The following ICA1 variants were observed in gnomAD, a reference collection of about 807,000 sequenced individuals.
The protein encoded by ICA1 is 69 kDa islet cell autoantigen.
ICA1 carries 40 observed loss-of-function variants against 71.0 expected under a neutral mutation model. The observed-to-expected ratio is 0.56, with a 90% confidence interval of 0.44 to 0.73. The LOEUF (loss-of-function observed/expected upper bound fraction) is 0.73. ICA1 is among the 30% of genes least tolerant of loss of function. The pLI is 0.00. For synonymous variants in ICA1, 207 were observed against 209.5 expected (o/e 0.99, Z 0.10); for missense variants, 578 against 576.5 (o/e 1.00, Z -0.03).
At chr7:8,212,943 G>C (rs1794279933) in intron 6 of ICA1, among the ~76,000 whole-genome samples, 3 of 152,170 alleles carry the variant, frequency 2.0e-5, no homozygotes, top group African/African-American at 7.2e-5. Flanking sequence ...AGAACTGGAA[G>C]CATGGGTGTA....
intron 1 of ICA1, among the ~76,000 whole-genome samples, chr7:8,257,080 G>A (rs1340460284): frequency 6.6e-6 from 1 of 152,154 alleles, no homozygotes; most frequent in Non-Finnish European, 1.5e-5. Flanking sequence ...GATTAATGGG[G>A]CTGTTTCAAT....
intron 8 of ICA1, among the ~76,000 whole-genome samples, chr7:8,152,194 T>A (rs534417028): frequency 3.3e-5 from 5 of 152,072 alleles, no homozygotes; most frequent in African/African-American, 9.7e-5. Context: ...GTGGGTTGGG[T>A]TACCCTGGGG....
At chr7:8,168,785 G>C (rs1044002177) in intron 6 of ICA1, among the ~76,000 whole-genome samples, 1 of 152,126 alleles carries the variant, frequency 6.6e-6, no homozygotes, top group African/African-American at 2.4e-5. Flanking sequence ...AGTATGCAGA[G>C]AGGGTATCTG....
chr7:8,165,271 C>A (rs569432845), intron 6 of ICA1, among the ~76,000 whole-genome samples: 1 of 152,326 alleles, frequency 6.6e-6, no homozygotes, highest in South Asian at 2.1e-4. Flanking sequence ...ATCATATATG[C>A]ATCCACTCAT....
intron 6 of ICA1, among the ~76,000 whole-genome samples, chr7:8,187,065 G>A (rs1388219987): frequency 1.3e-5 from 2 of 152,144 alleles, no homozygotes; most frequent in Admixed American, 6.5e-5. Context: ...TGAGCTTGAC[G>A]TGATTACACT....
intron 1 of ICA1, among the ~76,000 whole-genome samples, chr7:8,251,711 A>G (rs1267933080): frequency 6.6e-6 from 1 of 152,124 alleles, no homozygotes; most frequent in African/African-American, 2.4e-5. Context: ...ATTCCAAGAG[A>G]TGTTTCTGAA....
intron 1 of ICA1, among the ~76,000 whole-genome samples, chr7:8,238,957 C>T (rs1258327252): frequency 6.6e-6 from 1 of 152,180 alleles, no homozygotes; most frequent in African/African-American, 2.4e-5. Context: ...GCAAGTCATT[C>T]TTAAGCACAT....
intron 8 of ICA1, among the ~76,000 whole-genome samples, chr7:8,152,891 T>TACCACCACC (rs1158646869): frequency 1.1e-3 from 3 of 2,788 alleles, no homozygotes; most frequent in Admixed American, 3.9e-3. Context: ...CCACCACCAC[T>TACCACCACC]ACCACCATTA....
intron 3 of ICA1, 90 bp from the exon 4 acceptor site, chr7:8,228,763 T>G: frequency 1.2e-6 from 1 of 827,058 alleles, no homozygotes; most frequent in Non-Finnish European, 1.9e-6. Context: ...AGTGTTCAAT[T>G]TGCCAAAAAC....
At chr7:8,136,689 G>A (rs895525066) in intron 12 of ICA1, among the ~76,000 whole-genome samples, 32 of 152,190 alleles carry the variant, frequency 2.1e-4, no homozygotes, top group African/African-American at 7.5e-4. Context: ...CTGAGACAAT[G>A]TGCAAACCAA....
At chr7:8,193,912 A>G (rs116302541) in intron 6 of ICA1, among the ~76,000 whole-genome samples, 5,469 of 152,264 alleles carry the variant, frequency 0.036, 119 homozygotes, top group Middle Eastern at 0.082. Flanking sequence ...CCTGTGATAG[A>G]TGGAGTTTCT....
In ICA1 at chr7:8,236,186, T is replaced by C. The variant is rs146696840; in HGVS notation, c.-79-181A>G. 5.5e-3 allele frequency among the ~76,000 whole-genome samples: 839 copies of C among 152,256 alleles called. 23 individuals are homozygous for C. The highest frequency in any genetic ancestry group is 0.046 in the Admixed American group (703 of 15,300). On this transcript the variant is annotated intron_variant, in intron 1 of 13. Coordinates refer to ENST00000402384, the MANE Select transcript of ICA1 (RefSeq NM_001136020.3). Reference sequence around the variant, plus strand: ...TATAGCTAAGTAACACTGGAAGAAATATTCCAAATAAAGTTTAAAAAGTGA... The same window carrying C: ...TATAGCTAAGTAACACTGGAAGAAACATTCCAAATAAAGTTTAAAAAGTGA...
chr7:8,131,984 AGGATGAACAAGGGTT>A (rs927434863), intron 12 of ICA1, among the ~76,000 whole-genome samples: 44 of 152,334 alleles, frequency 2.9e-4, no homozygotes, highest in Admixed American at 2.7e-3. Flanking sequence ...TTTGTGTTAA[AGGATGAACAAGGGTT>A]GAGGATCTCT....
At chr7:8,122,485 C>A (rs1017843209) in intron 13 of ICA1, among the ~76,000 whole-genome samples, 1 of 152,272 alleles carries the variant, frequency 6.6e-6, no homozygotes, top group South Asian at 2.1e-4. Context: ...CCAAGACCTG[C>A]AAATGCTCCT....
intron 4 of ICA1, among the ~76,000 whole-genome samples, 174 bp from the exon 5 acceptor site, chr7:8,221,572 C>G (rs1485425085): frequency 6.6e-6 from 1 of 152,198 alleles, no homozygotes; most frequent in Non-Finnish European, 1.5e-5. Flanking sequence ...AACTTTCAGG[C>G]TGTTCTTCCA....
intron 13 of ICA1, among the ~76,000 whole-genome samples, chr7:8,117,139 A>C (rs1785060155): frequency 6.6e-6 from 1 of 152,190 alleles, no homozygotes; most frequent in Non-Finnish European, 1.5e-5. Flanking sequence ...TGAAGAACAT[A>C]CTTTGCTTCC....
At position 8,218,512 on chromosome 7, in the gene ICA1, GA is replaced by G; in HGVS notation, c.381-10del. On this transcript the variant is annotated splice_polypyrimidine_tract_variant and intron_variant, in intron 5 of 13. Transcript: ENST00000402384. ...GATTTCGTAAGGCCAACCTAGACAAGAGGACAAAGCCACACTCTCAAAACTA... is the reference window on the plus strand; with the variant it reads ...GATTTCGTAAGGCCAACCTAGACAAGGGACAAAGCCACACTCTCAAAACTA... 1 of 1,613,416 alleles carries G rather than the reference GA, an allele frequency of 6.2e-7. No homozygotes were observed. The highest frequency in any genetic ancestry group is 2.2e-5 in the East Asian group (1 of 44,848).
intron 6 of ICA1, among the ~76,000 whole-genome samples, chr7:8,162,112 TA>T (rs1426803349): frequency 1.8e-4 from 28 of 152,242 alleles, no homozygotes; most frequent in Admixed American, 1.8e-3. Flanking sequence ...CTTTTTCCTT[TA>T]CGTTAACATA....
At chr7:8,244,053 A>C (rs1344784869) in intron 1 of ICA1, among the ~76,000 whole-genome samples, 4 of 152,192 alleles carry the variant, frequency 2.6e-5, no homozygotes, top group African/African-American at 4.8e-5. Context: ...ATTGGAAAAA[A>C]ACTACTTTAA....
Sources: allele counts gnomAD v4.1 joint callset (sites outside exome capture counted in the v4.1 genomes callset), GRCh38; gene constraint gnomAD v4.1.1; transcripts MANE v1.5; gene names NCBI Gene and HGNC (gene_info 2026-07-23, HGNC 2026-07-21).